SIAE: variants seen among roughly 807,000 people sequenced by gnomAD.
The protein encoded by SIAE is sialic acid acetylesterase.
In SIAE, 39 loss-of-function variants were observed where a neutral mutation model predicts 52.6. That is an observed-to-expected ratio of 0.74 (90% CI 0.57 to 0.97). SIAE has a LOEUF of 0.97. SIAE is among the 50% of genes least tolerant of loss of function. The probability of loss-of-function intolerance (pLI) is 0.00; values close to 1 mark genes in which losing one functional copy is unlikely to be tolerated. For synonymous variants in SIAE, 233 were observed against 241.4 expected (o/e 0.97, Z 0.32); for missense variants, 592 against 662.1 (o/e 0.89, Z 1.16).
Position 124,654,642 on chromosome 11 carries a change from A to T in SIAE, c.544+13T>A. 1 of 1,614,146 alleles carries T rather than the reference A, an allele frequency of 6.2e-7. No homozygotes were observed. Among genetic ancestry groups the T allele is most frequent in the Non-Finnish European group, 8.5e-7 (1 of 1,179,978 alleles). On this transcript the variant is annotated intron_variant, in intron 4 of 9. Transcript: ENST00000263593. ...CATTATATAAGAGACAGCACGTTCA[A>T]GCCGTCACATACCTGAGGTGGGCTT... is the stretch of plus-strand genomic sequence containing the variant.
Position 124,639,814 on chromosome 11 carries a change from A to G in SIAE, c.1020T>C (p.Arg340=), listed in dbSNP as rs35451312. 4,922 of 1,614,234 alleles carry G rather than the reference A, an allele frequency of 3.0e-3. 12 individuals carry two copies. Among genetic ancestry groups the G allele is most frequent in the Middle Eastern group, 5.6e-3 (34 of 6,062 alleles). Residue 340 remains arginine (R), a synonymous_variant, in exon 8 of 10, where the codon CGT becomes CGC. Transcript: ENST00000263593. ...AGCCGAAGTCTGCTGTTTGATGCCA[A>G]CGGATCTGGGGAAATCCATCGTCTG... is the stretch of plus-strand genomic sequence containing the variant. ...KSSDDGFPQI[R]WHQTADFGYV...
At chr11:124,665,949 A>G (rs528987456) in intron 2 of SIAE, among the ~76,000 whole-genome samples, 1 of 152,182 alleles carries the variant, frequency 6.6e-6, no homozygotes, top group Non-Finnish European at 1.5e-5. Context: ...TGATGACAAA[A>G]ATATAGACAG....
At chr11:124,638,417 T>A in intron 9 of SIAE, 125 bp downstream of exon 9, 2 of 998,760 alleles carry the variant, frequency 2.0e-6, no homozygotes, top group Non-Finnish European at 3.1e-6. Flanking sequence ...AGCTCTGAAA[T>A]AAGCTCAGCC....
chr11:124,673,941 G>A, upstream of SIAE: 1 of 580,352 alleles, frequency 1.7e-6, no homozygotes, highest in South Asian at 2.1e-5. Context: ...CACCAGCTCG[G>A]AGAGAAAGGA....
Position 124,647,167 on chromosome 11 carries a change from A to C in SIAE, c.966+198T>G, listed in dbSNP as rs79036940. ...CTTATCAACTTTTTTTGAAGATTTA[A>C]TTGTCCTATCAGTGAACTGAGATGA... On this transcript the variant is annotated intron_variant, in intron 7 of 9. Coordinates refer to ENST00000263593, the MANE Select transcript of SIAE (RefSeq NM_170601.5). Among the ~76,000 whole-genome samples, 5 of 152,328 alleles carry C rather than the reference A, an allele frequency of 3.3e-5. No individual in the cohort carries two copies. In the East Asian group the frequency reaches 9.7e-4, roughly 29 times the overall value.
chr11:124,673,539 G>T, intron 1 of SIAE, 103 bp downstream of exon 1: 1 of 1,383,858 alleles, frequency 7.2e-7, no homozygotes, highest in Non-Finnish European at 1.0e-6. Flanking sequence ...TTCCTTCGTC[G>T]ACCTTGAGAA....
chr11:124,660,078 T>G (rs901913338), intron 3 of SIAE: 2 of 171,162 alleles, frequency 1.2e-5, no homozygotes, highest in African/African-American at 4.8e-5. Context: ...TCATCTGAGG[T>G]CAGGAGTTCG....
rs767937574 is a variant in SIAE at position 124,637,202 on chromosome 11, T to C, written c.1321A>G (p.Ile441Val). The C allele has an allele frequency of 6.2e-7, 1 of 1,613,954 alleles. No individual in the cohort carries two copies. The highest frequency in any genetic ancestry group is 8.5e-7 in the Non-Finnish European group (1 of 1,180,020). Reference sequence around the variant, plus strand: ...CATCGATGGTCACTGCAACAGGAGATCTAATAAGAGAGCCATAAAATAGGA... The same window carrying C: ...CATCGATGGTCACTGCAACAGGAGACCTAATAAGAGAGCCATAAAATAGGA... Reference protein sequence around the residue: ...VQKKDNKIFEISCCSDHRCKW... With the variant: ...VQKKDNKIFEVSCCSDHRCKW... Residue 441 changes from isoleucine (I) to valine (V), a missense_variant and splice_region_variant, in exon 10 of 10, where the codon ATC becomes GTC. Ile to Val is a conservative substitution (Grantham distance 29). Transcript: ENST00000263593.
intron 7 of SIAE, among the ~76,000 whole-genome samples, chr11:124,641,101 G>A (rs965973979): frequency 2.6e-5 from 4 of 152,208 alleles, no homozygotes; most frequent in Non-Finnish European, 5.9e-5. Flanking sequence ...GAGGAGGACA[G>A]ACCTACACAT....
intron 2 of SIAE, 76 bp downstream of exon 2, chr11:124,669,270 AATGTGAGCTACAGC>A: frequency 6.1e-6 from 9 of 1,481,698 alleles, no homozygotes; most frequent in Non-Finnish European, 8.5e-6. Flanking sequence ...ACGGATGGAT[AATGTGAGCTACAGC>A]ATTAGCATTC....
At position 124,660,720 on chromosome 11, in the gene SIAE, T is replaced by G. The variant is rs1943174196; in HGVS notation, c.313A>C (p.Lys105Gln). 6.2e-7 allele frequency: 1 copy of G among 1,614,200 alleles called. No individual in the cohort carries two copies. Among genetic ancestry groups the G allele is most frequent in the Non-Finnish European group, 8.5e-7 (1 of 1,180,034 alleles). ...TGAACTCTCAGGGTGAAGTTTATTT[T>G]CTCCAAAGTCTGTTGTGCCATCACT... ...FEVMAQQTLE[K>Q]INFTLRVHDV... The change falls in exon 3 of 10, where the codon AAA (lysine) becomes CAA (glutamine). Residue 105 changes from lysine (K) to glutamine (Q), a missense_variant. Lys to Gln is a moderately conservative substitution (Grantham distance 53, BLOSUM62 1). Coordinates refer to ENST00000263593, the MANE Select transcript of SIAE (RefSeq NM_170601.5).
At chr11:124,673,067 C>T (rs1478140108) in intron 1 of SIAE, among the ~76,000 whole-genome samples, 1 of 152,142 alleles carries the variant, frequency 6.6e-6, no homozygotes, top group African/African-American at 2.4e-5. Context: ...CTCACATTTT[C>T]CCACCACCAA....
intron 4 of SIAE, among the ~76,000 whole-genome samples, chr11:124,651,949 G>A (rs1943023038): frequency 6.6e-6 from 1 of 152,204 alleles, no homozygotes; most frequent in Non-Finnish European, 1.5e-5. Flanking sequence ...GAGAGCTGGA[G>A]AAGCCTTAAA....
upstream of SIAE, chr11:124,675,053 A>G (rs1469285060): frequency 7.8e-6 from 4 of 514,502 alleles, no homozygotes; most frequent in Non-Finnish European, 1.3e-5. Context: ...CTGTGTTTGT[A>G]TTATACTAAT....
rs1783462060 is a variant in SIAE at position 124,670,718 on chromosome 11, G to A, written c.68-1197C>T. Among the ~76,000 whole-genome samples the A allele has an allele frequency of 6.6e-6, 1 of 152,118 alleles. No homozygotes were observed. The highest frequency in any genetic ancestry group is 1.5e-5 in the Non-Finnish European group (1 of 68,018). On this transcript the variant is annotated intron_variant, in intron 1 of 9. Coordinates refer to ENST00000263593, the MANE Select transcript of SIAE (RefSeq NM_170601.5). The surrounding 1 kb of genome is among the most constrained non-coding windows in gnomAD (Gnocchi z 4.5). ...TCCGTGGCCTATTTATCCTGCTCTT[G>A]GAATAACAGCCCAGTCCCTAAAAAT...
upstream of SIAE, chr11:124,674,862 A>T (rs565197189): frequency 9.7e-5 from 15 of 153,930 alleles, no homozygotes; most frequent in South Asian, 3.0e-3. Flanking sequence ...GACCTCAAAG[A>T]AGGTCTTCTC....
rs781533810 is a variant in SIAE at position 124,673,653 on chromosome 11, T to A, written c.56A>T (p.Asp19Val). 6.2e-7 allele frequency: 1 copy of A among 1,613,542 alleles called. No homozygotes were observed. The highest frequency in any genetic ancestry group is 8.5e-7 in the Non-Finnish European group (1 of 1,179,806). ...GLVLPLILWA[D>V]RSAGIGFRFA... ...CCGGGCCGCCTCACCTGCACTTCTG[T>A]CGGCCCACAGGATTAATGGCAGCAC... Residue 19 changes from aspartate (D) to valine (V), a missense_variant, in exon 1 of 10, where the codon GAC (aspartate) becomes GTC (valine). Asp to Val is a radical substitution (Grantham distance 152, BLOSUM62 -3). Transcript: ENST00000263593.
intron 4 of SIAE, among the ~76,000 whole-genome samples, chr11:124,652,236 C>T (rs938382898): frequency 6.6e-6 from 1 of 152,108 alleles, no homozygotes; most frequent in Non-Finnish European, 1.5e-5. Context: ...GAACCTGTGG[C>T]TGTGTTACCT....
chr11:124,637,074 G>A lies in SIAE; in HGVS notation c.1449C>T (p.Thr483=), dbSNP rs770660147. Residue 483 remains threonine, a synonymous_variant, in exon 10 of 10, where the codon ACC becomes ACT. Coordinates refer to ENST00000263593, the MANE Select transcript of SIAE (RefSeq NM_170601.5). ...GTVVALRYAW[T]TWPCEYKQCP... ...ACTGCTTATATTCACAAGGCCACGT[G>A]GTCCAAGCATAGCGGAGAGCAACCA... 6 of 1,614,160 alleles carry A rather than the reference G, an allele frequency of 3.7e-6. No individual in the cohort carries two copies. The East Asian group carries it at 6.7e-5, about 18-fold the overall frequency.
Sources: gnomAD v4.1 joint callset for allele counts (sites outside exome capture counted in the v4.1 genomes callset) on GRCh38, gnomAD v4.1.1 for gene constraint, Gnocchi (gnomAD v3.1) non-coding constraint, MANE v1.5 for transcripts, NCBI Gene and HGNC (gene_info 2026-07-23, HGNC 2026-07-21) for gene names.